Variants in DMRT1 observed in about 807,000 individuals in gnomAD.
DMRT1 encodes the protein doublesex and mab-3 related transcription factor 1, also known as doublesex- and mab-3-related transcription factor 1.
A neutral mutation model predicts 32.3 loss-of-function variants in DMRT1; 7 were observed. The observed-to-expected ratio is 0.22, with a 90% CI of 0.12 to 0.41. DMRT1 has a LOEUF of 0.41. Among genes scored for constraint, DMRT1 ranks in the 10% least tolerant of loss-of-function variants. The pLI is 1.00. For synonymous variants in DMRT1, 278 were observed against 206.1 expected (o/e 1.35, Z -2.99); for missense variants, 625 against 500.5 (o/e 1.25, Z -2.37).
At chr9:877,092 T>C (rs1998439) in intron 2 of DMRT1, among the ~76,000 whole-genome samples, 2,305 of 129,584 alleles carry the variant, frequency 0.018, 52 homozygotes, top group East Asian at 0.04. Context: ...CAAGGACTTC[T>C]CTGTGGTCAC....
chr9:944,677 TTGGG>T (rs1264427110), intron 4 of DMRT1, among the ~76,000 whole-genome samples: 6 of 152,334 alleles, frequency 3.9e-5, no homozygotes, highest in Admixed American at 3.9e-4. Flanking sequence ...GCAACCTCTT[TTGGG>T]TAAATGGTAC....
chr9:912,708 T>G (rs1818031733), intron 3 of DMRT1, among the ~76,000 whole-genome samples: 1 of 152,098 alleles, frequency 6.6e-6, no homozygotes, highest in South Asian at 2.1e-4. Flanking sequence ...ATATAGGGGA[T>G]TGTTGGGATC....
chr9:963,447 G>A (rs12005050), intron 4 of DMRT1, among the ~76,000 whole-genome samples: 11,446 of 152,072 alleles, frequency 0.075, 868 homozygotes, highest in East Asian at 0.3. Flanking sequence ...ATAGTAAATG[G>A]AGGAGATTAC....
intron 2 of DMRT1, among the ~76,000 whole-genome samples, chr9:860,172 C>CTGTAG (rs1428288751): frequency 5.2e-4 from 79 of 152,278 alleles, no homozygotes; most frequent in African/African-American, 1.9e-3. Context: ...TGGCGCATGC[C>CTGTAG]TGTAGTCCTA....
At chr9:865,864 C>T (rs1815959231) in intron 2 of DMRT1, among the ~76,000 whole-genome samples, 1 of 152,160 alleles carries the variant, frequency 6.6e-6, no homozygotes, top group South Asian at 2.1e-4. Context: ...ATCTGTCATC[C>T]TTTCAAAAGA....
intron 4 of DMRT1, among the ~76,000 whole-genome samples, chr9:928,930 C>T (rs1375251440): frequency 2.0e-5 from 3 of 151,800 alleles, no homozygotes; most frequent in African/African-American, 4.8e-5. Flanking sequence ...CTCCGCCTCC[C>T]AGATTCAAGA....
chr9:853,378 T>C (rs1475122758), intron 2 of DMRT1, among the ~76,000 whole-genome samples: 1 of 152,210 alleles, frequency 6.6e-6, no homozygotes, highest in Non-Finnish European at 1.5e-5. Context: ...GTCCTAAAAA[T>C]TCTCTGTGGG....
rs1453113858 is a variant in DMRT1, at chr9:916,785, A to G, written c.845A>G (p.His282Arg). ...CAGATGAAGAACATGGAGAACCGCC[A>G]TGCAATGAGCTCCCAGTACAGGATG... ...QWQMKNMENR[H>R]AMSSQYRMHS... The change falls in exon 4 of 5, where the codon CAT becomes CGT. Residue 282 changes from histidine (H) to arginine (R), a missense_variant. Around this residue, in one of 3 missense-constraint regions of DMRT1, gnomAD observed 416 missense variants for 321.6 expected, o/e 1.29. Coordinates refer to ENST00000382276, the MANE Select transcript of DMRT1 (RefSeq NM_021951.3). 3 of 1,614,094 alleles carry G rather than the reference A, an allele frequency of 1.9e-6. No homozygotes were observed. The highest frequency in any genetic ancestry group is 2.2e-5 in the East Asian group (1 of 44,886).
chr9:870,124 G>A (rs1289741489), intron 2 of DMRT1, among the ~76,000 whole-genome samples: 3 of 152,334 alleles, frequency 2.0e-5, no homozygotes, highest in Admixed American at 6.5e-5. Flanking sequence ...CTTGCCGGGC[G>A]CGGTGGCTCA....
At chr9:919,852 A>G (rs576035913) in intron 4 of DMRT1, among the ~76,000 whole-genome samples, 1 of 152,340 alleles carries the variant, frequency 6.6e-6, no homozygotes, top group African/African-American at 2.4e-5. Flanking sequence ...TTTTAAAGAT[A>G]GAACCAACAA....
rs1271189618 is a variant in DMRT1, at chr9:874,078, G to A, written c.539-19834G>A. ...ACAAATTTAAAATGTAGTCCTTTTG[G>A]TAAGTGAGATTTTAGCATTGGCATG... On this transcript the variant is annotated intron_variant, in intron 2 of 4. Coordinates refer to ENST00000382276, the MANE Select transcript of DMRT1 (RefSeq NM_021951.3). Among the ~76,000 whole-genome samples the A allele has an allele frequency of 2.0e-5, 3 of 152,164 alleles. No homozygotes were observed. The East Asian group carries it at 5.8e-4, about 29-fold the overall frequency.
At chr9:952,511 C>T (rs772731556) in intron 4 of DMRT1, among the ~76,000 whole-genome samples, 2 of 152,162 alleles carry the variant, frequency 1.3e-5, no homozygotes, top group African/African-American at 2.4e-5. Flanking sequence ...AGGAAGCTTG[C>T]GCCTAACAGT....
intron 4 of DMRT1, among the ~76,000 whole-genome samples, chr9:925,656 T>G (rs990587655): frequency 6.6e-6 from 1 of 152,236 alleles, no homozygotes; most frequent in African/African-American, 2.4e-5. Flanking sequence ...CTTCATTTCC[T>G]TCCTTTTCTT....
chr9:937,695 G>A (rs751858724), intron 4 of DMRT1, among the ~76,000 whole-genome samples: 1 of 151,990 alleles, frequency 6.6e-6, no homozygotes, highest in Non-Finnish European at 1.5e-5. Flanking sequence ...AAATTGGGTT[G>A]TTTGGTTTTT....
intron 2 of DMRT1, among the ~76,000 whole-genome samples, chr9:865,310 C>T (rs76373076): frequency 6.6e-6 from 1 of 152,232 alleles, no homozygotes; most frequent in African/African-American, 2.4e-5. Context: ...TACCACCTCT[C>T]TGATTTTCAG....
intron 4 of DMRT1, among the ~76,000 whole-genome samples, chr9:931,594 T>C (rs1818727862): frequency 6.6e-6 from 1 of 152,210 alleles, no homozygotes; most frequent in African/African-American, 2.4e-5. Flanking sequence ...AGAGTTGCTT[T>C]CCGGTAAGGC....
intron 2 of DMRT1, among the ~76,000 whole-genome samples, chr9:861,144 G>A (rs1455651667): frequency 2.0e-5 from 3 of 151,094 alleles, no homozygotes; most frequent in Admixed American, 6.6e-5. Flanking sequence ...AATAGTGGAG[G>A]GAAGGTCAGC....
intron 2 of DMRT1, among the ~76,000 whole-genome samples, chr9:852,223 T>C (rs1298911803): frequency 6.6e-6 from 1 of 151,668 alleles, no homozygotes; most frequent in African/African-American, 2.4e-5. Flanking sequence ...AGGTGTGAGC[T>C]ACCGTGCCTG....
At chr9:881,925 A>G (rs966702312) in intron 2 of DMRT1, among the ~76,000 whole-genome samples, 3 of 152,218 alleles carry the variant, frequency 2.0e-5, no homozygotes, top group African/African-American at 7.2e-5. Context: ...CAATGGTAGG[A>G]CATTCTGAAT....
Sources: allele counts gnomAD v4.1 joint callset (sites outside exome capture counted in the v4.1 genomes callset), GRCh38; gene constraint gnomAD v4.1.1; regional missense constraint gnomAD v4.1.1; transcripts MANE v1.5; gene names NCBI Gene and HGNC (gene_info 2026-07-23, HGNC 2026-07-21).